Variants in LNX1 observed in about 807,000 individuals in gnomAD.
LNX1 encodes the protein E3 ubiquitin-protein ligase LNX.
Under a neutral mutation model 68.4 loss-of-function variants are expected in LNX1, and 54 were observed. The ratio of observed to expected loss-of-function variants is 0.79; its 90% confidence interval spans 0.63 to 0.99. The LOEUF (loss-of-function observed/expected upper bound fraction) is 0.99, where lower values mean the gene tolerates loss of function less well. Ranked by LOEUF, LNX1 falls within the 50% of genes least tolerant of loss-of-function variation. LNX1 has a pLI of 0.00. For synonymous variants in LNX1, 336 were observed against 350.0 expected (o/e 0.96, Z 0.45); for missense variants, 906 against 926.4 (o/e 0.98, Z 0.29).
chr4:53,647,528 G>A (rs75912591), intron 1 of LNX1, among the ~76,000 whole-genome samples: 4,697 of 152,222 alleles, frequency 0.031, 261 homozygotes, highest in African/African-American at 0.1. Context: ...CAGAGAAGAA[G>A]TCTGCTATTT....
rs79676281 is a variant in LNX1 at position 53,575,430 on chromosome 4, G to A, written c.-86-1342C>T. The A allele has an allele frequency of 6.0e-3, 5,132 of 857,030 alleles. 195 individuals are homozygous for A. In the African/African-American group the frequency reaches 0.084, roughly 14 times the overall value. 53.1% of individuals were successfully genotyped at this position (857,030 alleles called of 1,614,324 possible). On this transcript the variant is annotated intron_variant, in intron 1 of 10. Transcript: ENST00000263925. ...GAAAGTCAATAAATAGTTTTCAAGC[G>A]CCAACTCTGAGCTAGGTCATGAGTT...
At chr4:53,558,154 A>G (rs1225335498) in intron 2 of LNX1, 1 of 1,392,344 alleles carries the variant, frequency 7.2e-7, no homozygotes, top group African/African-American at 1.5e-5. Flanking sequence ...ATGCTCTCTG[A>G]TTCTCAGATG....
intron 2 of LNX1, among the ~76,000 whole-genome samples, chr4:53,611,004 TTGA>T (rs1400460199): frequency 2.6e-5 from 4 of 151,930 alleles, no homozygotes; most frequent in African/African-American, 9.7e-5. Context: ...GATATGAAAC[TTGA>T]TGGTAGCAAA....
intron 9 of LNX1, among the ~76,000 whole-genome samples, chr4:53,473,901 A>G (rs534279096): frequency 9.2e-5 from 14 of 152,340 alleles, no homozygotes; most frequent in African/African-American, 3.4e-4. Context: ...TCAAAGAAAC[A>G]AATTTCTAGA....
At chr4:53,500,258 GT>G (rs1188812159) in intron 4 of LNX1, 5 of 148,724 alleles carry the variant, frequency 3.4e-5, no homozygotes, top group East Asian at 2.0e-4. Flanking sequence ...GACTGGCATT[GT>G]TTTTTTTTTC....
chr4:53,470,647 G>C (rs1329954588), intron 9 of LNX1, among the ~76,000 whole-genome samples: 5 of 152,100 alleles, frequency 3.3e-5, no homozygotes, highest in African/African-American at 1.2e-4. Context: ...CAAAGTCTCA[G>C]GATACAAATC....
At chr4:53,558,620 C>T (rs1577712155) in intron 2 of LNX1, among the ~76,000 whole-genome samples, 1 of 152,102 alleles carries the variant, frequency 6.6e-6, no homozygotes, top group Non-Finnish European at 1.5e-5. Context: ...ATCTGGCTCT[C>T]GAGAAGAATA....
chr4:53,590,082 C>T (rs1325398674), intron 1 of LNX1, among the ~76,000 whole-genome samples: 2 of 152,078 alleles, frequency 1.3e-5, no homozygotes, highest in African/African-American at 2.4e-5. Flanking sequence ...CAAACCCCCC[C>T]CCTTAAACTC....
upstream of LNX1, among the ~76,000 whole-genome samples, chr4:53,595,656 C>T (rs945615378): frequency 3.9e-5 from 6 of 152,150 alleles, no homozygotes; most frequent in African/African-American, 1.4e-4. Context: ...CCTAGTTAAC[C>T]AGCCGGCTCA....
intron 2 of LNX1, among the ~76,000 whole-genome samples, chr4:53,555,631 G>C (rs1729860112): frequency 6.6e-6 from 1 of 152,172 alleles, no homozygotes; most frequent in Non-Finnish European, 1.5e-5. Flanking sequence ...GAACATGACA[G>C]TACCTGAAAT....
intron 2 of LNX1, among the ~76,000 whole-genome samples, chr4:53,608,614 A>T (rs1033627204): frequency 3.3e-5 from 5 of 152,224 alleles, no homozygotes; most frequent in African/African-American, 1.2e-4. Flanking sequence ...ATTTTTGGGT[A>T]TATACCAGAA....
chr4:53,648,609 A>G (rs1275051723), intron 1 of LNX1, among the ~76,000 whole-genome samples: 2 of 151,718 alleles, frequency 1.3e-5, no homozygotes, highest in Non-Finnish European at 2.9e-5. Context: ...TTTTATTTTG[A>G]TATATCATTG....
upstream of LNX1, among the ~76,000 whole-genome samples, chr4:53,622,388 G>T (rs769243440): frequency 6.6e-5 from 10 of 151,966 alleles, no homozygotes; most frequent in Non-Finnish European, 1.5e-4. Context: ...TCCCGGTGTC[G>T]CAGGAGTGAA....
chr4:53,529,121 A>ACACACACACACACACACG (rs1295763096), intron 2 of LNX1, among the ~76,000 whole-genome samples: 1 of 151,760 alleles, frequency 6.6e-6, no homozygotes, highest in Non-Finnish European at 1.5e-5. Flanking sequence ...ACACACACAC[A>ACACACACACACACACACG]CACACACACA....
At chr4:53,545,050 C>G (rs1435107934) in intron 2 of LNX1, among the ~76,000 whole-genome samples, 1 of 152,188 alleles carries the variant, frequency 6.6e-6, no homozygotes, top group East Asian at 1.9e-4. Context: ...GCACCAGCAT[C>G]TAAGAGGGAA....
At chr4:53,546,769 G>A (rs1729145402) in intron 2 of LNX1, among the ~76,000 whole-genome samples, 2 of 152,156 alleles carry the variant, frequency 1.3e-5, no homozygotes, top group South Asian at 4.2e-4. Flanking sequence ...GGAAAGAGGA[G>A]CTGCAGTGTG....
chr4:53,650,377 G>A (rs1349670479), intron 1 of LNX1, among the ~76,000 whole-genome samples: 1 of 152,168 alleles, frequency 6.6e-6, no homozygotes, highest in African/African-American at 2.4e-5. Flanking sequence ...CATCTGCATG[G>A]GCAGGGGACA....
intron 2 of LNX1, among the ~76,000 whole-genome samples, chr4:53,509,796 A>G (rs1579438879): frequency 6.6e-6 from 1 of 152,194 alleles, no homozygotes; most frequent in East Asian, 1.9e-4. Context: ...GGGGTTGTGA[A>G]GTTTCTGTTG....
chr4:53,642,765 G>A (rs1212125115), intron 1 of LNX1, among the ~76,000 whole-genome samples: 1 of 152,174 alleles, frequency 6.6e-6, no homozygotes, highest in African/African-American at 2.4e-5. Flanking sequence ...AGTCTTGGAT[G>A]TCTCTGCTTA....
Sources: allele counts gnomAD v4.1 joint callset (sites outside exome capture counted in the v4.1 genomes callset), GRCh38; gene constraint gnomAD v4.1.1; transcripts MANE v1.5; gene names NCBI Gene and HGNC (gene_info 2026-07-23, HGNC 2026-07-21).